The following TFCP2 variants were observed in gnomAD, a reference collection of about 807,000 sequenced individuals.
TFCP2 encodes alpha-globin transcription factor CP2.
Under a neutral mutation model 73.4 loss-of-function variants are expected in TFCP2, and 33 were observed. The observed-to-expected ratio is 0.45, with a 90% CI of 0.34 to 0.60. TFCP2 has a LOEUF of 0.60. TFCP2 is among the 20% of genes least tolerant of loss of function. The pLI, the probability that TFCP2 is intolerant of heterozygous loss-of-function variation, is 0.01. For missense variants in TFCP2, 352 were observed against 604.0 expected, an observed-to-expected ratio of 0.58 and a Z score of 4.37; for synonymous variants, 193 against 211.6, an observed-to-expected ratio of 0.91 and a Z score of 0.76.
chr12:51,157,903 C>T (rs1285237724), intron 1 of TFCP2, among the ~76,000 whole-genome samples: 1 of 151,950 alleles, frequency 6.6e-6, no homozygotes, highest in East Asian at 1.9e-4. Flanking sequence ...GTCTCGAACT[C>T]CTGACCTCAG....
chr12:51,100,776 T>C (rs1566198557), intron 11 of TFCP2, among the ~76,000 whole-genome samples: 1 of 152,164 alleles, frequency 6.6e-6, no homozygotes, highest in African/African-American at 2.4e-5. Flanking sequence ...ATTGCATTGC[T>C]GCACTCCAGG....
At chr12:51,098,211 T>A (rs1489006278) in intron 13 of TFCP2, among the ~76,000 whole-genome samples, 4 of 152,202 alleles carry the variant, frequency 2.6e-5, no homozygotes, top group Non-Finnish European at 4.4e-5. Flanking sequence ...AATAATGATG[T>A]AACCATTTCA....
chr12:51,107,146 G>A, intron 7 of TFCP2, 90 bp downstream of exon 7: 1 of 1,042,596 alleles, frequency 9.6e-7, no homozygotes, highest in Non-Finnish European at 1.4e-6. Context: ...TCAAGGCTTA[G>A]GAGAAGTAAA....
At chr12:51,156,653 T>C in intron 1 of TFCP2, among the ~76,000 whole-genome samples, 1 of 152,240 alleles carries the variant, frequency 6.6e-6, no homozygotes, top group African/African-American at 2.4e-5. Flanking sequence ...CTTGAAATGT[T>C]GATAGAATTC....
At chr12:51,146,916 G>A (rs1390076195) in intron 1 of TFCP2, among the ~76,000 whole-genome samples, 4 of 152,222 alleles carry the variant, frequency 2.6e-5, no homozygotes, top group Admixed American at 1.3e-4. Context: ...GCATATGGGA[G>A]CATATGGTGA....
intron 1 of TFCP2, among the ~76,000 whole-genome samples, chr12:51,159,009 A>AAAC (rs1941596655): frequency 1.1e-5 from 1 of 94,306 alleles, no homozygotes; most frequent in Non-Finnish European, 2.0e-5. Flanking sequence ...TAAAAATCCA[A>AAAC]AAAAAAAAAA....
chr12:51,116,278 A>G (rs1468919937), intron 4 of TFCP2, 37 bp downstream of exon 4: 1 of 1,249,496 alleles, frequency 8.0e-7, no homozygotes. Flanking sequence ...GTCCATAGCT[A>G]AAGGCATTTC....
At chr12:51,097,893 G>A (rs1433348029) in intron 13 of TFCP2, among the ~76,000 whole-genome samples, 3 of 151,878 alleles carry the variant, frequency 2.0e-5, no homozygotes, top group African/African-American at 7.3e-5. Flanking sequence ...GTGGGTGCCT[G>A]TAATACCAGC....
chr12:51,148,712 A>AG (rs547981095), intron 1 of TFCP2, among the ~76,000 whole-genome samples: 3,158 of 149,278 alleles, frequency 0.021, 61 homozygotes, highest in Non-Finnish European at 0.035. Context: ...AAAAAAAAAA[A>AG]AAAGAAAAAG....
chr12:51,107,189 G>T, intron 7 of TFCP2, 47 bp downstream of exon 7: 1 of 1,458,536 alleles, frequency 6.9e-7, no homozygotes, highest in African/African-American at 1.4e-5. Flanking sequence ...GAATTTTTAA[G>T]ATTAAAAATT....
Position 51,134,662 on chromosome 12 carries a change from T to A in TFCP2, c.123-15890A>T, listed in dbSNP as rs114127158. On this transcript the variant is annotated intron_variant, in intron 1 of 14. Transcript: ENST00000257915. ...TGGAAAAAATACTGTTCTAGTCTTT[T>A]GTGCCCCTTAGAACTTTGTACCAAT... is the stretch of plus-strand genomic sequence containing the variant. Among the ~76,000 whole-genome samples the A allele has an allele frequency of 6.9e-3, 1,053 of 152,362 alleles. 5 individuals are homozygous for A. The highest frequency in any genetic ancestry group is 0.034 in the Middle Eastern group (10 of 294).
At chr12:51,133,468 C>A (rs1940996544) in intron 1 of TFCP2, among the ~76,000 whole-genome samples, 1 of 152,142 alleles carries the variant, frequency 6.6e-6, no homozygotes, top group Non-Finnish European at 1.5e-5. Context: ...CCATGCCCAG[C>A]TAATTTTTGT....
chr12:51,164,298 A>G (rs947195789), intron 1 of TFCP2, among the ~76,000 whole-genome samples: 1 of 151,966 alleles, frequency 6.6e-6, no homozygotes, highest in Non-Finnish European at 1.5e-5. Context: ...AAAAAGATCA[A>G]CAGAATTTAC....
chr12:51,126,232 C>CAAAA (rs371407608), intron 1 of TFCP2, among the ~76,000 whole-genome samples: 4 of 87,716 alleles, frequency 4.6e-5, no homozygotes, highest in Admixed American at 1.4e-4. Context: ...GACTCTGTCT[C>CAAAA]AAAAAAAAAA....
intron 1 of TFCP2, among the ~76,000 whole-genome samples, chr12:51,130,732 T>C (rs1940923708): frequency 6.6e-6 from 1 of 151,544 alleles, no homozygotes; most frequent in Admixed American, 6.6e-5. Context: ...CACGCCTGTA[T>C]TCCTAGTACT....
At chr12:51,118,267 A>G (rs1257673786) in intron 2 of TFCP2, among the ~76,000 whole-genome samples, 1 of 152,222 alleles carries the variant, frequency 6.6e-6, no homozygotes, top group African/African-American at 2.4e-5. Flanking sequence ...ATAAAACATC[A>G]TAAATGGCCG....
At chr12:51,137,534 T>C (rs1235068989) in intron 1 of TFCP2, among the ~76,000 whole-genome samples, 3 of 152,158 alleles carry the variant, frequency 2.0e-5, no homozygotes, top group African/African-American at 7.2e-5. Context: ...GTTTTTTTCA[T>C]ACATTATAGG....
chr12:51,096,111 G>T, intron 13 of TFCP2, 71 bp from the exon 14 acceptor site: 1 of 1,238,402 alleles, frequency 8.1e-7, no homozygotes, highest in Non-Finnish European at 1.2e-6. Flanking sequence ...TGTCCCTAAG[G>T]ACTACCCCAC....
In TFCP2 at chr12:51,157,920, C is replaced by T. The variant is rs180997483; in HGVS notation, c.122+14381G>A. 2.0e-5 allele frequency among the ~76,000 whole-genome samples: 3 copies of T among 152,034 alleles called. No homozygotes were observed. In the East Asian group the frequency reaches 5.8e-4, roughly 29 times the overall value. ...CTCGAACTCCTGACCTCAGGTGATC[C>T]TCCCACTTTGAACTCCCAAAGTGCT... is the stretch of plus-strand genomic sequence containing the variant. On this transcript the variant is annotated intron_variant, in intron 1 of 14. Transcript: ENST00000257915.
Sources: gnomAD v4.1 joint callset for allele counts (sites outside exome capture counted in the v4.1 genomes callset) on GRCh38, gnomAD v4.1.1 for gene constraint, MANE v1.5 for transcripts, NCBI Gene and HGNC (gene_info 2026-07-23, HGNC 2026-07-21) for gene names.